Variants in CNTNAP4 observed in about 807,000 individuals in gnomAD.
CNTNAP4 encodes the protein contactin associated protein family member 4, also known as contactin-associated protein-like 4.
In CNTNAP4, 98 loss-of-function variants were observed where a neutral mutation model predicts 148.4. That is an observed-to-expected ratio of 0.66 (90% CI 0.56 to 0.78). The LOEUF (loss-of-function observed/expected upper bound fraction) is 0.78. Ranked by LOEUF, CNTNAP4 falls within the 30% of genes least tolerant of loss-of-function variation. CNTNAP4 has a pLI of 0.00. For synonymous variants in CNTNAP4, 730 were observed against 565.1 expected (o/e 1.29, Z -4.14); for missense variants, 1,935 against 1,565.6 (o/e 1.24, Z -3.98).
rs766631896 is a variant in CNTNAP4, at chr16:76,479,400, A to T, written c.1763-19A>T. The T allele has an allele frequency of 2.6e-6, 4 of 1,562,708 alleles. No individual in the cohort carries two copies. The highest frequency in any genetic ancestry group is 3.5e-6 in the Non-Finnish European group (4 of 1,155,442). ...TTCATTTCATGCTATTCCATTAATG[A>T]TGATTTTTTTTCTTAAAGCTATCTA... On this transcript the variant is annotated intron_variant, in intron 11 of 23. Coordinates refer to ENST00000611870, the MANE Select transcript of CNTNAP4 (RefSeq NM_033401.5).
chr16:76,521,399 T>C, intron 16 of CNTNAP4, 89 bp downstream of exon 16: 1 of 1,032,222 alleles, frequency 9.7e-7, no homozygotes, highest in Non-Finnish European at 1.4e-6. Context: ...ATGTGTCTAC[T>C]TTATCATCTG....
rs535560672 is a variant in CNTNAP4 at position 76,360,085 on chromosome 16, C to T, written c.390+4574C>T. ...AATAGTTTGCTTTATTTAAAATAGA[C>T]TTCAGTTGTACTTGATTTTTCAAAC... On this transcript the variant is annotated intron_variant, in intron 3 of 23. Coordinates refer to ENST00000611870, the MANE Select transcript of CNTNAP4 (RefSeq NM_033401.5). Among the ~76,000 whole-genome samples the T allele has an allele frequency of 3.9e-5, 6 of 152,256 alleles. No individual in the cohort carries two copies. In the South Asian group the frequency reaches 1.0e-3, roughly 26 times the overall value.
At chr16:76,400,641 A>G (rs1334083194) in intron 3 of CNTNAP4, among the ~76,000 whole-genome samples, 1 of 151,774 alleles carries the variant, frequency 6.6e-6, no homozygotes, top group African/African-American at 2.4e-5. Context: ...GGTGTTACCT[A>G]GGTTGTCTTC....
intron 15 of CNTNAP4, among the ~76,000 whole-genome samples, chr16:76,499,804 A>G (rs965081469): frequency 4.6e-5 from 7 of 151,930 alleles, no homozygotes; most frequent in East Asian, 1.9e-4. Flanking sequence ...AACAAAGCAC[A>G]TCTTGCACCG....
chr16:76,398,755 G>T (rs1188726970), intron 3 of CNTNAP4, among the ~76,000 whole-genome samples: 1 of 152,062 alleles, frequency 6.6e-6, no homozygotes, highest in African/African-American at 2.4e-5. Flanking sequence ...AGCTTTTTAA[G>T]TACAAAGCGA....
At chr16:76,478,959 G>T (rs1242272325) in intron 11 of CNTNAP4, among the ~76,000 whole-genome samples, 1 of 152,058 alleles carries the variant, frequency 6.6e-6, no homozygotes, top group African/African-American at 2.4e-5. Flanking sequence ...AAGTGTTTCT[G>T]TTGTATAATT....
At chr16:76,473,897 C>T (rs2081469095) in intron 10 of CNTNAP4, among the ~76,000 whole-genome samples, 1 of 149,258 alleles carries the variant, frequency 6.7e-6, no homozygotes, top group South Asian at 2.1e-4. Context: ...TGAATGAGGG[C>T]ACTTAAAACC....
At chr16:76,386,018 A>G (rs964453108) in intron 3 of CNTNAP4, among the ~76,000 whole-genome samples, 11 of 152,198 alleles carry the variant, frequency 7.2e-5, no homozygotes, top group Non-Finnish European at 1.3e-4. Flanking sequence ...ATTGTAGCTG[A>G]AACAGGAAGG....
chr16:76,476,001 G>A lies in CNTNAP4; in HGVS notation c.1718G>A (p.Cys573Tyr). 1 of 1,613,888 alleles carries A rather than the reference G, an allele frequency of 6.2e-7. No homozygotes were observed. The highest frequency in any genetic ancestry group is 8.5e-7 in the Non-Finnish European group (1 of 1,179,816). ...TCCCAGTCCTGGAGCACCTTTCATTGTAACTGTACCAACACTGGTTACAGA... is the reference window on the plus strand; with the variant it reads ...TCCCAGTCCTGGAGCACCTTTCATTATAACTGTACCAACACTGGTTACAGA... ...ECSQSWSTFHCNCTNTGYRGA... is the reference protein window; with the variant it reads ...ECSQSWSTFHYNCTNTGYRGA... The change falls in exon 11 of 24, where the codon TGT (cysteine) becomes TAT (tyrosine). Residue 573 changes from cysteine to tyrosine, a missense_variant. Transcript: ENST00000611870.
chr16:76,289,187 C>T (rs1959011256), intron 1 of CNTNAP4, among the ~76,000 whole-genome samples: 1 of 152,102 alleles, frequency 6.6e-6, no homozygotes, highest in African/African-American at 2.4e-5. Context: ...AAAATTGGAA[C>T]AGCATCAGCT....
intron 9 of CNTNAP4, among the ~76,000 whole-genome samples, chr16:76,465,343 G>A (rs1426104925): frequency 6.6e-6 from 1 of 152,078 alleles, no homozygotes; most frequent in Non-Finnish European, 1.5e-5. Context: ...GGCTAACCTG[G>A]GTTGAACCCC....
At chr16:76,521,814 ATT>A (rs56833949) in intron 16 of CNTNAP4, among the ~76,000 whole-genome samples, 1 of 151,882 alleles carries the variant, frequency 6.6e-6, no homozygotes, top group African/African-American at 2.4e-5. Flanking sequence ...TTAGAATACC[ATT>A]TTTTTTTCAA....
At chr16:76,504,932 A>G (rs1284810781) in intron 15 of CNTNAP4, among the ~76,000 whole-genome samples, 1 of 152,188 alleles carries the variant, frequency 6.6e-6, no homozygotes, top group Non-Finnish European at 1.5e-5. Flanking sequence ...TTAACATTTA[A>G]CAAATAATAA....
intron 3 of CNTNAP4, among the ~76,000 whole-genome samples, chr16:76,376,112 G>A (rs2015386532): frequency 6.6e-6 from 1 of 151,944 alleles, no homozygotes; most frequent in Admixed American, 6.6e-5. Flanking sequence ...AAAGAGTGAG[G>A]AAGAGATAAA....
chr16:76,463,705 C>A (rs1239500044), intron 9 of CNTNAP4, among the ~76,000 whole-genome samples: 1 of 152,088 alleles, frequency 6.6e-6, no homozygotes, highest in African/African-American at 2.4e-5. Context: ...ATACACCTAC[C>A]CATGTGTCTC....
rs541879406 is a variant in CNTNAP4 at position 76,445,049 on chromosome 16, C to CT, written c.539-2962dup. 5.3e-5 allele frequency among the ~76,000 whole-genome samples: 8 copies of CT among 152,256 alleles called. No homozygotes were observed. The South Asian group carries it at 1.0e-3, about 20-fold the overall frequency. On this transcript the variant is annotated intron_variant, in intron 4 of 23. Coordinates refer to ENST00000611870, the MANE Select transcript of CNTNAP4 (RefSeq NM_033401.5). ...GTTTCTCAGCAATCCTCAGAGCTCTCTCTTATGACAGTGAATGGGACAGTG... is the reference window on the plus strand; with the variant it reads ...GTTTCTCAGCAATCCTCAGAGCTCTCTTCTTATGACAGTGAATGGGACAGTG...
chr16:76,497,839 T>TAATAA (rs930103632), intron 14 of CNTNAP4, among the ~76,000 whole-genome samples: 7 of 151,692 alleles, frequency 4.6e-5, no homozygotes, highest in African/African-American at 1.7e-4. Flanking sequence ...ACTTAAAGTA[T>TAATAA]AATAAAATAA....
chr16:76,347,304 C>T (rs923034011), intron 2 of CNTNAP4, among the ~76,000 whole-genome samples: 7 of 152,058 alleles, frequency 4.6e-5, no homozygotes, highest in Non-Finnish European at 8.8e-5. Flanking sequence ...CCATGTTATA[C>T]CCACGTGACT....
chr16:76,400,607 C>T (rs1255366800), intron 3 of CNTNAP4, among the ~76,000 whole-genome samples: 2 of 152,148 alleles, frequency 1.3e-5, no homozygotes, highest in African/African-American at 4.8e-5. Flanking sequence ...GTCATGAAAT[C>T]TTTGCCCATT....
Sources: allele counts gnomAD v4.1 joint callset (sites outside exome capture counted in the v4.1 genomes callset), GRCh38; gene constraint gnomAD v4.1.1; transcripts MANE v1.5; gene names NCBI Gene and HGNC (gene_info 2026-07-23, HGNC 2026-07-21).